Variants in NYAP2 observed in about 807,000 individuals in gnomAD.
NYAP2 encodes the protein neuronal tyrosine-phosphorylated phosphoinositide-3-kinase adaptor 2.
Under a neutral mutation model 50.4 loss-of-function variants are expected in NYAP2, and 23 were observed. The observed-to-expected ratio is 0.46, with a 90% CI of 0.33 to 0.65. The LOEUF (loss-of-function observed/expected upper bound fraction) is 0.65, where lower values mean the gene tolerates loss of function less well. NYAP2 is among the 30% of genes least tolerant of loss of function. The probability of loss-of-function intolerance (pLI) is 0.02; values close to 1 mark genes in which losing one functional copy is unlikely to be tolerated. For synonymous variants in NYAP2, 394 were observed against 365.2 expected (o/e 1.08, Z -0.90); for missense variants, 885 against 861.0 (o/e 1.03, Z -0.35).
the NYAP2 span, among the ~76,000 whole-genome samples, chr2:225,668,886 A>G: frequency 6.6e-6 from 1 of 151,244 alleles, no homozygotes; most frequent in Non-Finnish European, 1.5e-5. Context: ...AAGTCAAACT[A>G]TTAATGTAAG....
At chr2:225,616,422 C>G (rs573215694) in intron 5 of NYAP2, among the ~76,000 whole-genome samples, 6 of 152,302 alleles carry the variant, frequency 3.9e-5, no homozygotes, top group African/African-American at 1.2e-4. Flanking sequence ...AGCAGTGCAA[C>G]GAGAAGCCCC....
At chr2:225,560,441 G>C (rs1453955299) in intron 4 of NYAP2, among the ~76,000 whole-genome samples, 1 of 152,020 alleles carries the variant, frequency 6.6e-6, no homozygotes, top group Non-Finnish European at 1.5e-5. Flanking sequence ...ATCCATGCCT[G>C]CAAGTACAAT....
At chr2:225,594,988 T>A (rs1692571798) in intron 5 of NYAP2, among the ~76,000 whole-genome samples, 1 of 152,198 alleles carries the variant, frequency 6.6e-6, no homozygotes, top group Non-Finnish European at 1.5e-5. Flanking sequence ...AAGCTGTAGC[T>A]GGCTAGAAAA....
At chr2:225,426,732 T>A (rs1271459396) in intron 3 of NYAP2, among the ~76,000 whole-genome samples, 1 of 152,146 alleles carries the variant, frequency 6.6e-6, no homozygotes, top group Non-Finnish European at 1.5e-5. Flanking sequence ...ATTAGTACAG[T>A]TTGATGATTA....
chr2:225,511,363 CACACACACACAGAG>C (rs1218986918), intron 3 of NYAP2, among the ~76,000 whole-genome samples: 3 of 142,832 alleles, frequency 2.1e-5, no homozygotes, highest in Non-Finnish European at 4.6e-5. Flanking sequence ...CACACACACA[CACACACACACAGAG>C]AGAGAGAGAG....
At chr2:225,579,063 CAG>C (rs898895860) in intron 4 of NYAP2, among the ~76,000 whole-genome samples, 8 of 151,822 alleles carry the variant, frequency 5.3e-5, no homozygotes, top group African/African-American at 1.9e-4. Context: ...CACACACACA[CAG>C]AGACATGAAG....
chr2:225,502,488 CA>C (rs1690624598), intron 3 of NYAP2, among the ~76,000 whole-genome samples: 1 of 152,176 alleles, frequency 6.6e-6, no homozygotes, highest in Non-Finnish European at 1.5e-5. Context: ...TATATGTATA[CA>C]TTCATTTATT....
At chr2:225,527,196 T>C (rs1453755055) in intron 4 of NYAP2, among the ~76,000 whole-genome samples, 1 of 152,212 alleles carries the variant, frequency 6.6e-6, no homozygotes, top group African/African-American at 2.4e-5. Context: ...ATATGACTCA[T>C]TACCCATGTT....
Position 225,582,355 on chromosome 2 carries a change from GC to G in NYAP2, c.945del (p.Lys316ArgfsTer57). The G allele has an allele frequency of 6.2e-7, 1 of 1,613,274 alleles. No homozygotes were observed. ...GACTTCGCCAAGGCCTCAGTGCCAT[GC>G]CCCCCCAAGGGGCTGCTTTGCGACA... On this transcript the variant is annotated frameshift_variant, in exon 5 of 7. Coordinates refer to ENST00000636099, the Ensembl canonical transcript of NYAP2. LOFTEE classifies it high-confidence loss of function. This position sits in a 1 kb window ranked among gnomAD's most constrained non-coding sequence, Gnocchi z 7.0.
At chr2:225,564,524 T>C (rs1022239476) in intron 4 of NYAP2, among the ~76,000 whole-genome samples, 2 of 151,900 alleles carry the variant, frequency 1.3e-5, no homozygotes, top group African/African-American at 4.8e-5. Flanking sequence ...AGAACTTACA[T>C]AAAAGACCAA....
intron 3 of NYAP2, among the ~76,000 whole-genome samples, chr2:225,460,482 C>A (rs569903799): frequency 2.6e-5 from 4 of 152,174 alleles, no homozygotes; most frequent in African/African-American, 9.6e-5. Context: ...AATAATAATT[C>A]TTCTCTAATC....
chr2:225,627,420 G>A (rs1184550820), intron 6 of NYAP2, among the ~76,000 whole-genome samples: 1 of 152,112 alleles, frequency 6.6e-6, no homozygotes, highest in Non-Finnish European at 1.5e-5. Flanking sequence ...AAAATATCTA[G>A]AGGCCTCATC....
chr2:225,492,019 G>A (rs1267747619), intron 3 of NYAP2, among the ~76,000 whole-genome samples: 1 of 152,202 alleles, frequency 6.6e-6, no homozygotes, highest in Non-Finnish European at 1.5e-5. Context: ...TGTGGGCTGA[G>A]TCCAGGGCCT....
At chr2:225,423,891 C>T (rs1434024279) in intron 3 of NYAP2, among the ~76,000 whole-genome samples, 6 of 152,102 alleles carry the variant, frequency 3.9e-5, no homozygotes, top group African/African-American at 1.4e-4. Context: ...ATAAAAACCT[C>T]ACCTTTTTAA....
chr2:225,684,403 TCTC>T, the NYAP2 span, among the ~76,000 whole-genome samples: 1 of 146,978 alleles, frequency 6.8e-6, no homozygotes, highest in Admixed American at 6.7e-5. Flanking sequence ...TCTTTCTCTC[TCTC>T]TTTTTTTTTT....
intron 4 of NYAP2, among the ~76,000 whole-genome samples, chr2:225,519,919 C>T (rs907661828): frequency 6.6e-6 from 1 of 152,128 alleles, no homozygotes; most frequent in East Asian, 1.9e-4. Context: ...TTCTCCACAT[C>T]CTCTCCAGCA....
intron 3 of NYAP2, among the ~76,000 whole-genome samples, chr2:225,466,870 A>G (rs1025055249): frequency 6.6e-6 from 1 of 152,226 alleles, no homozygotes; most frequent in Non-Finnish European, 1.5e-5. Context: ...TGAGGGGGGC[A>G]TAAGGCAGAA....
intron 6 of NYAP2, among the ~76,000 whole-genome samples, chr2:225,630,857 C>A (rs1693300579): frequency 6.6e-6 from 1 of 152,136 alleles, no homozygotes; most frequent in African/African-American, 2.4e-5. Context: ...ATGTGAGATG[C>A]GGAGCAAGAT....
Position 225,549,082 on chromosome 2 carries a change from T to C in NYAP2, c.524-32859T>C, listed in dbSNP as rs1214430183. Among the ~76,000 whole-genome samples the C allele has an allele frequency of 2.0e-5, 3 of 152,112 alleles. No individual in the cohort carries two copies. In the East Asian group the frequency reaches 5.8e-4, roughly 29 times the overall value. ...TTTTAGTAGAGACAGGGTTTTGTCA[T>C]TCTGGCCAGGCTGGTCTCAAACTCC... On this transcript the variant is annotated intron_variant, in intron 4 of 6. Transcript: ENST00000636099.
Sources: allele counts gnomAD v4.1 joint callset (sites outside exome capture counted in the v4.1 genomes callset), GRCh38; gene constraint gnomAD v4.1.1; non-coding constraint Gnocchi (gnomAD v3.1); transcripts MANE v1.5; gene names NCBI Gene and HGNC (gene_info 2026-07-23, HGNC 2026-07-21).